The following IMMP1L variants were observed in gnomAD, a reference collection of about 807,000 sequenced individuals.
The protein encoded by IMMP1L is mitochondrial inner membrane protease subunit 1.
A neutral mutation model predicts 21.8 loss-of-function variants in IMMP1L; 24 were observed. That is an observed-to-expected ratio of 1.10 (90% CI 0.80 to 1.55). IMMP1L has a LOEUF of 1.55. Among genes scored for constraint, IMMP1L ranks in the 40% most tolerant of loss-of-function variants. IMMP1L has a pLI of 0.00. For synonymous variants in IMMP1L, 46 were observed against 62.8 expected, an observed-to-expected ratio of 0.73 and a Z score of 1.26; for missense variants, 195 against 200.7, an observed-to-expected ratio of 0.97 and a Z score of 0.17.
At chr11:31,456,444 T>C in intron 3 of IMMP1L, 58 bp from the exon 4 acceptor site, 1 of 1,347,828 alleles carries the variant, frequency 7.4e-7, no homozygotes, top group Non-Finnish European at 1.1e-6. Flanking sequence ...AACACATGCA[T>C]GGCACTGCTT....
chr11:31,449,284 C>G (rs562388374), intron 4 of IMMP1L, among the ~76,000 whole-genome samples: 2 of 152,138 alleles, frequency 1.3e-5, no homozygotes, highest in Non-Finnish European at 2.9e-5. Flanking sequence ...TAATAGAAGA[C>G]CAGATGGTTG....
intron 1 of IMMP1L, among the ~76,000 whole-genome samples, chr11:31,505,734 C>G (rs907929875): frequency 3.3e-5 from 5 of 152,210 alleles, no homozygotes; most frequent in African/African-American, 1.2e-4. Flanking sequence ...ACCAACCCCT[C>G]CTCTTCCTCC....
chr11:31,452,267 A>C, intron 4 of IMMP1L: 6 of 984,152 alleles, frequency 6.1e-6, no homozygotes, highest in Non-Finnish European at 7.2e-6. Flanking sequence ...TTTCATAGTT[A>C]TCCCATGGAT....
chr11:31,465,490 A>C (rs909857741), intron 1 of IMMP1L, among the ~76,000 whole-genome samples: 1 of 152,062 alleles, frequency 6.6e-6, no homozygotes, highest in African/African-American at 2.4e-5. Flanking sequence ...CAAATAACCA[A>C]AGCAATATTG....
At position 31,433,550 on chromosome 11, in the gene IMMP1L, C is replaced by G. The variant is rs1554936698; in HGVS notation, c.342G>C (p.Trp114Cys). ...SHSYVPMGHV[W>C]LEGDNLQNST... ...AATTCTGTAGATTGTCACCTTCTAACCAAACATGACCCATTGGCACCTAGA... is the reference window on the plus strand; with the variant it reads ...AATTCTGTAGATTGTCACCTTCTAAGCAAACATGACCCATTGGCACCTAGA... The change falls in exon 5 of 6, where the codon TGG becomes TGC. Residue 114 changes from tryptophan (W) to cysteine (C), a missense_variant. Transcript: ENST00000532287. 6.2e-7 allele frequency: 1 copy of G among 1,610,448 alleles called. No individual in the cohort carries two copies. The highest frequency in any genetic ancestry group is 1.3e-5 in the African/African-American group (1 of 74,916).
At position 31,473,341 on chromosome 11, in the gene IMMP1L, G is replaced by A. The variant is rs113511171; in HGVS notation, c.-29-10036C>T. ...TGGGATTACAGGCATGAGCCACTGCGCCCGGCCCCTTTGATATCTCATTTT... is the reference window on the plus strand; with the variant it reads ...TGGGATTACAGGCATGAGCCACTGCACCCGGCCCCTTTGATATCTCATTTT... On this transcript the variant is annotated intron_variant, in intron 1 of 5. Transcript: ENST00000532287. 9.8e-4 allele frequency among the ~76,000 whole-genome samples: 149 copies of A among 152,226 alleles called. 3 individuals carry two copies. The South Asian group carries it at 0.028, about 28-fold the overall frequency.
Position 31,496,469 on chromosome 11 carries a change from T to C in IMMP1L, c.-30+13050A>G, listed in dbSNP as rs1565012389. Among the ~76,000 whole-genome samples the C allele has an allele frequency of 3.3e-5, 5 of 152,268 alleles. No homozygotes were observed. In the East Asian group the frequency reaches 9.6e-4, roughly 29 times the overall value. On this transcript the variant is annotated intron_variant, in intron 1 of 5. Coordinates refer to ENST00000532287, the MANE Select transcript of IMMP1L (RefSeq NM_001304274.2). ...TTCATATAATCCAGCAATTCCATTG[T>C]ATGGTATATACCCAAAGGAAATGAA...
intron 1 of IMMP1L, among the ~76,000 whole-genome samples, chr11:31,500,175 AT>A (rs1051187813): frequency 1.4e-4 from 21 of 151,570 alleles, no homozygotes; most frequent in Admixed American, 9.8e-4. Flanking sequence ...TTTTTTTTCC[AT>A]TTAGGCTAAA....
chr11:31,433,249 G>A (rs1952983140), intron 5 of IMMP1L, among the ~76,000 whole-genome samples: 1 of 152,156 alleles, frequency 6.6e-6, no homozygotes, highest in African/African-American at 2.4e-5. Context: ...TATAGCTAAG[G>A]TAGTTTGGAT....
chr11:31,506,896 G>T (rs749368760), intron 1 of IMMP1L, among the ~76,000 whole-genome samples: 81 of 151,928 alleles, frequency 5.3e-4, no homozygotes, highest in South Asian at 1.5e-3. Flanking sequence ...GGAGGCGGAG[G>T]TTGCAGTAAG....
At chr11:31,452,732 A>C in intron 4 of IMMP1L, 2 of 1,019,596 alleles carry the variant, frequency 2.0e-6, no homozygotes, top group Non-Finnish European at 2.3e-6. Flanking sequence ...AAAATAAGGA[A>C]AGCAAACAGC....
chr11:31,462,300 A>C (rs1004758678), intron 2 of IMMP1L, among the ~76,000 whole-genome samples: 2 of 145,496 alleles, frequency 1.4e-5, no homozygotes, highest in Admixed American at 6.9e-5. Flanking sequence ...CAGGCAACAG[A>C]GCAAGACCCT....
At chr11:31,505,387 C>CAT (rs1955744181) in intron 1 of IMMP1L, among the ~76,000 whole-genome samples, 1 of 152,184 alleles carries the variant, frequency 6.6e-6, no homozygotes, top group African/African-American at 2.4e-5. Flanking sequence ...CAGAAGATGA[C>CAT]TTGATGGAGA....
intron 4 of IMMP1L, among the ~76,000 whole-genome samples, chr11:31,443,519 C>T (rs1421157712): frequency 2.6e-5 from 4 of 152,140 alleles, no homozygotes; most frequent in Non-Finnish European, 4.4e-5. Context: ...TCATTCTCCT[C>T]GCCCTAACTA....
At chr11:31,473,721 T>C (rs1241372604) in intron 1 of IMMP1L, 2 of 982,492 alleles carry the variant, frequency 2.0e-6, no homozygotes, top group Non-Finnish European at 2.4e-6. Flanking sequence ...GAAGTAGACT[T>C]ACAGTAATTT....
intron 1 of IMMP1L, among the ~76,000 whole-genome samples, chr11:31,482,166 T>A (rs1490088500): frequency 6.6e-6 from 1 of 152,062 alleles, no homozygotes; most frequent in Non-Finnish European, 1.5e-5. Context: ...CCTCATTTTT[T>A]CTGTCTCCAG....
At chr11:31,444,345 C>A (rs1953442582) in intron 4 of IMMP1L, among the ~76,000 whole-genome samples, 1 of 152,092 alleles carries the variant, frequency 6.6e-6, no homozygotes, top group African/African-American at 2.4e-5. Context: ...GGCAGTCTAC[C>A]CAGATCTCTG....
intron 1 of IMMP1L, among the ~76,000 whole-genome samples, chr11:31,483,567 T>C (rs953775902): frequency 3.3e-5 from 5 of 151,988 alleles, no homozygotes; most frequent in Non-Finnish European, 7.4e-5. Flanking sequence ...AGATATCCAG[T>C]CTTCGTGTTG....
chr11:31,436,576 G>T (rs953908978), intron 4 of IMMP1L, among the ~76,000 whole-genome samples: 8 of 151,936 alleles, frequency 5.3e-5, no homozygotes, highest in African/African-American at 1.9e-4. Flanking sequence ...GGGATTATAG[G>T]TGTCCACCAC....
Sources: allele counts gnomAD v4.1 joint callset (sites outside exome capture counted in the v4.1 genomes callset), GRCh38; gene constraint gnomAD v4.1.1; transcripts MANE v1.5; gene names NCBI Gene and HGNC (gene_info 2026-07-23, HGNC 2026-07-21).